The following ZFC3H1 variants were observed in gnomAD, a reference collection of about 807,000 sequenced individuals.
ZFC3H1 encodes zinc finger C3H1-type containing.
In ZFC3H1, 71 loss-of-function variants were observed where a neutral mutation model predicts 243.7. That is an observed-to-expected ratio of 0.29 (90% confidence interval 0.24 to 0.36). ZFC3H1 has a LOEUF of 0.36. ZFC3H1 is among the 10% of genes least tolerant of loss of function. ZFC3H1 has a pLI of 1.00. For synonymous variants in ZFC3H1, 838 were observed against 813.0 expected (o/e 1.03, Z -0.52); for missense variants, 1,966 against 2,317.1 (o/e 0.85, Z 3.11).
intron 3 of ZFC3H1, among the ~76,000 whole-genome samples, chr12:71,646,887 T>C (rs1880743545): frequency 6.6e-6 from 1 of 152,230 alleles, no homozygotes; most frequent in Non-Finnish European, 1.5e-5. Flanking sequence ...TTCCCACTAG[T>C]CAGACAAGCT....
intron 5 of ZFC3H1, among the ~76,000 whole-genome samples, chr12:71,642,769 T>C (rs143156379): frequency 6.6e-6 from 1 of 152,182 alleles, no homozygotes; most frequent in Non-Finnish European, 1.5e-5. Flanking sequence ...AAATGGAATT[T>C]CCAAAGTACG....
chr12:71,629,350 A>G (rs555417627), intron 19 of ZFC3H1, among the ~76,000 whole-genome samples: 3 of 152,082 alleles, frequency 2.0e-5, no homozygotes, highest in South Asian at 4.2e-4. Flanking sequence ...TATTTTTAGT[A>G]GAGACGGGGT....
In ZFC3H1 at chr12:71,663,710, G is replaced by A. The variant is rs1460106361; in HGVS notation, c.-100C>T. ...CTTTCCTAACGGACTGGGTCGGTGC[G>A]GTCTTACCCTACTCGGACACCAAGC... On this transcript the variant is annotated 5_prime_UTR_variant, in exon 1 of 35. Transcript: ENST00000378743. 3.6e-6 allele frequency: 5 copies of A among 1,383,462 alleles called. No individual in the cohort carries two copies. Among genetic ancestry groups the A allele is most frequent in the Non-Finnish European group, 4.9e-6 (5 of 1,017,248 alleles). 85.7% of individuals were successfully genotyped at this position (1,383,462 alleles called of 1,614,324 possible). A position where few individuals can be genotyped will look rare whatever the true frequency, so the allele number is the denominator to read the frequency against.
intron 2 of ZFC3H1, among the ~76,000 whole-genome samples, chr12:71,652,133 A>G (rs1281525824): frequency 2.0e-5 from 3 of 152,204 alleles, no homozygotes; most frequent in Non-Finnish European, 4.4e-5. Flanking sequence ...CACCAATAAC[A>G]TAAGTTTGAC....
rs182182490 is a variant in ZFC3H1 at position 71,627,857 on chromosome 12, T to C, written c.4024A>G (p.Asn1342Asp). ...AAATTAGCGATGTCATCAGTCTCAT[T>C]TGTAAAGTATCTGACATCATCTGGA... ...VTPDDVRYFT[N>D]ETDDIANLEA... The change falls in exon 21 of 35, where the codon AAT (asparagine) becomes GAT (aspartate). Residue 1342 changes from asparagine to aspartate, a missense_variant. Asn to Asp is a conservative substitution (Grantham distance 23). Around this residue, in one of 4 missense-constraint regions of ZFC3H1, gnomAD observed 1,383 missense variants for 1,723.7 expected, o/e 0.80. Transcript: ENST00000378743. The C allele has an allele frequency of 2.5e-6, 4 of 1,613,894 alleles. No homozygotes were observed.
intron 2 of ZFC3H1, among the ~76,000 whole-genome samples, chr12:71,650,330 A>T (rs1000964475): frequency 3.3e-5 from 5 of 152,216 alleles, no homozygotes; most frequent in Admixed American, 6.5e-5. Flanking sequence ...GACAATAAAT[A>T]TAACTTTACA....
intron 2 of ZFC3H1, among the ~76,000 whole-genome samples, chr12:71,652,683 T>C (rs1880920090): frequency 6.6e-6 from 1 of 152,186 alleles, no homozygotes; most frequent in South Asian, 2.1e-4. Flanking sequence ...TACTCCATGA[T>C]AGAGATTTGT....
intron 1 of ZFC3H1, among the ~76,000 whole-genome samples, chr12:71,660,584 A>T (rs17110117): frequency 2.0e-5 from 3 of 152,064 alleles, no homozygotes; most frequent in African/African-American, 7.3e-5. Flanking sequence ...CAATTAATAA[A>T]GGTCTATGGT....
rs183110509 is a variant in ZFC3H1 at position 71,632,374 on chromosome 12, G to T, written c.2958C>A (p.Ala986=). 7 of 1,613,370 alleles carry T rather than the reference G, an allele frequency of 4.3e-6. No individual in the cohort carries two copies. The highest frequency in any genetic ancestry group is 5.9e-6 in the Non-Finnish European group (7 of 1,179,814). Reference sequence around the variant, plus strand: ...GTTGTTCCTTTGCTTTAAGGGCACGGGCTTCTTTTAATTTTTGAATTTTCA... The same window carrying T: ...GTTGTTCCTTTGCTTTAAGGGCACGTGCTTCTTTTAATTTTTGAATTTTCA... The part of the protein sequence containing the change: ...YALKIQKLKE[A]RALKAKEQQN... Residue 986 remains alanine (A), a synonymous_variant, in exon 15 of 35, where the codon GCC becomes GCA. Transcript: ENST00000378743.
intron 18 of ZFC3H1, among the ~76,000 whole-genome samples, chr12:71,629,914 TAA>T (rs146148589): frequency 2.9e-4 from 41 of 143,764 alleles, no homozygotes; most frequent in African/African-American, 2.0e-4. Flanking sequence ...CATTTGGGAT[TAA>T]AAAAAAAAAA....
At chr12:71,629,138 C>T (rs1172850511) in intron 19 of ZFC3H1, 101 bp from the exon 20 acceptor site, 2 of 1,037,768 alleles carry the variant, frequency 1.9e-6, no homozygotes, top group South Asian at 1.8e-5. Flanking sequence ...ACATTCACTC[C>T]ATCTTAGAAA....
At chr12:71,623,636 G>T (rs778748940) in intron 23 of ZFC3H1, 39 bp from the exon 24 acceptor site, 1 of 1,403,010 alleles carries the variant, frequency 7.1e-7, no homozygotes, top group East Asian at 2.3e-5. Context: ...AAAAATTAGA[G>T]ATGTCAGTAC....
chr12:71,628,486 A>C (rs982582273), intron 20 of ZFC3H1, among the ~76,000 whole-genome samples: 5 of 152,222 alleles, frequency 3.3e-5, no homozygotes, highest in African/African-American at 1.2e-4. Flanking sequence ...TATTTTGTTC[A>C]TTAGTTCATT....
rs778160124 is a variant in ZFC3H1 at position 71,632,333 on chromosome 12, A to G, written c.2999T>C (p.Val1000Ala). 11 of 1,613,570 alleles carry G rather than the reference A, an allele frequency of 6.8e-6. No individual in the cohort carries two copies. Among genetic ancestry groups the G allele is most frequent in the East Asian group, 2.2e-5 (1 of 44,866 alleles). Residue 1000 changes from valine to alanine, a missense_variant, in exon 15 of 35, where the codon GTT (valine) becomes GCT (alanine). Physicochemically the swap from Val to Ala is moderately conservative, Grantham distance 64 (BLOSUM62 0). Coordinates refer to ENST00000378743, the MANE Select transcript of ZFC3H1 (RefSeq NM_144982.5). ...AGAAAATTCGGGTTCCTCTTCCACA[A>G]CTGGAGAGATATTTTGTTGTTCCTT... Reference protein sequence around the residue: ...KAKEQQNISPVVEEEPEFSLP... With the variant: ...KAKEQQNISPAVEEEPEFSLP...
In ZFC3H1 at chr12:71,644,310, C is replaced by T. The variant is rs1328355603; in HGVS notation, c.1288G>A (p.Ala430Thr). ...GCCTTTGTTTGCTGCTTCCTCAATG[C>T]TTGTTTAGCTTTAAATAAAAAACAC... ...AKKVSTTAKQ[A>T]LRKQQTKAWK... Residue 430 changes from alanine to threonine, a missense_variant, in exon 5 of 35, where the codon GCA (alanine) becomes ACA (threonine). Physicochemically the swap from Ala to Thr is moderately conservative, Grantham distance 58. Around this residue, in one of 4 missense-constraint regions of ZFC3H1, gnomAD observed 91 missense variants for 107.6 expected, o/e 0.85. Coordinates refer to ENST00000378743, the MANE Select transcript of ZFC3H1 (RefSeq NM_144982.5). 1.9e-6 allele frequency: 3 copies of T among 1,611,590 alleles called. No individual in the cohort carries two copies. Among genetic ancestry groups the T allele is most frequent in the Non-Finnish European group, 1.7e-6 (2 of 1,179,590 alleles).
At position 71,610,682 on chromosome 12, in the gene ZFC3H1, T is replaced by C. The variant is rs1879746204; in HGVS notation, c.5832+13A>G. 1.9e-6 allele frequency: 3 copies of C among 1,612,670 alleles called. No homozygotes were observed. The highest frequency in any genetic ancestry group is 1.7e-6 in the Non-Finnish European group (2 of 1,179,430). ...GAAAACATCGAGATAAAATAAAAGA[T>C]AAAAAGCATTACATCTTTCCACAGT... On this transcript the variant is annotated intron_variant, in intron 34 of 34. Coordinates refer to ENST00000378743, the MANE Select transcript of ZFC3H1 (RefSeq NM_144982.5).
intron 2 of ZFC3H1, 138 bp from the exon 3 acceptor site, chr12:71,647,951 G>A: frequency 7.7e-6 from 3 of 391,582 alleles, no homozygotes; most frequent in Non-Finnish European, 9.0e-6. Flanking sequence ...TCAACCAAAA[G>A]GAAATACCAT....
intron 30 of ZFC3H1, among the ~76,000 whole-genome samples, chr12:71,614,245 C>T (rs183165029): frequency 5.0e-4 from 76 of 151,746 alleles, no homozygotes; most frequent in Admixed American, 1.6e-3. Context: ...TTTCATTTGA[C>T]GTGTTTTTTC....
chr12:71,662,745 G>A (rs1055153369), intron 1 of ZFC3H1, among the ~76,000 whole-genome samples: 2 of 152,050 alleles, frequency 1.3e-5, no homozygotes, highest in Admixed American at 1.3e-4. Flanking sequence ...GGGCTTCTAA[G>A]GTATTATTAC....
Sources: gnomAD v4.1 joint callset for allele counts (sites outside exome capture counted in the v4.1 genomes callset) on GRCh38, gnomAD v4.1.1 for gene constraint, gnomAD v4.1.1 regional missense constraint, MANE v1.5 for transcripts, NCBI Gene and HGNC (gene_info 2026-07-23, HGNC 2026-07-21) for gene names.